Variants in SYNE2 observed in about 807,000 individuals in gnomAD.
SYNE2 encodes the protein spectrin repeat containing nuclear envelope protein 2, also known as nesprin-2.
SYNE2 carries 431 observed loss-of-function variants against 856.3 expected under a neutral mutation model. The ratio of observed to expected loss-of-function variants is 0.50; its 90% CI spans 0.47 to 0.55. SYNE2 has a LOEUF of 0.55. Among genes scored for constraint, SYNE2 ranks in the 20% least tolerant of loss-of-function variants. The pLI is 0.00. For missense variants in SYNE2, 8,129 were observed against 8,023.2 expected, an observed-to-expected ratio of 1.01 and a Z score of -0.50; for synonymous variants, 2,923 against 2,872.3, an observed-to-expected ratio of 1.02 and a Z score of -0.56.
chr14:64,088,345 A>G (rs1041360791), intron 58 of SYNE2, among the ~76,000 whole-genome samples: 1 of 152,218 alleles, frequency 6.6e-6, no homozygotes, highest in Non-Finnish European at 1.5e-5. Flanking sequence ...CTTATTTTCA[A>G]TCCAGAAGTG....
intron 1 of SYNE2, among the ~76,000 whole-genome samples, chr14:63,821,158 A>G (rs1889196867): frequency 6.6e-6 from 1 of 152,178 alleles, no homozygotes; most frequent in South Asian, 2.1e-4. Context: ...GGTTTATTGT[A>G]TACCAGGTAA....
intron 1 of SYNE2, among the ~76,000 whole-genome samples, chr14:63,829,111 C>T (rs1889570588): frequency 6.6e-6 from 1 of 151,750 alleles, no homozygotes; most frequent in Admixed American, 6.6e-5. Flanking sequence ...ATGGTGCTGC[C>T]CCTTCAAAAA....
At chr14:63,874,931 T>C (rs1446504522) in intron 1 of SYNE2, among the ~76,000 whole-genome samples, 2 of 152,208 alleles carry the variant, frequency 1.3e-5, no homozygotes, top group African/African-American at 4.8e-5. Context: ...TTGTTGTTGG[T>C]ACAAAGGGTG....
chr14:64,223,591 C>T (rs1007441135), intron 113 of SYNE2, among the ~76,000 whole-genome samples: 17 of 149,618 alleles, frequency 1.1e-4, no homozygotes, highest in African/African-American at 4.2e-4. Context: ...AAGGGAGTGG[C>T]GGGATGACAA....
intron 83 of SYNE2, among the ~76,000 whole-genome samples, chr14:64,144,326 G>T (rs2098164057): frequency 6.6e-6 from 1 of 152,156 alleles, no homozygotes; most frequent in South Asian, 2.1e-4. Flanking sequence ...AAAGAAAAAT[G>T]CACTTGGCTT....
chr14:64,145,192 G>A (rs1344471159), intron 83 of SYNE2, among the ~76,000 whole-genome samples: 2 of 151,792 alleles, frequency 1.3e-5, no homozygotes, highest in Admixed American at 6.5e-5. Flanking sequence ...CTCCCAAAAT[G>A]CTGGGATTAC....
chr14:63,956,952 G>A (rs1255603392), intron 8 of SYNE2, among the ~76,000 whole-genome samples: 1 of 152,060 alleles, frequency 6.6e-6, no homozygotes, highest in Non-Finnish European at 1.5e-5. Context: ...GTGACCATTA[G>A]CAGTTACTCT....
At chr14:63,771,246 A>ATTTTTT (rs1886897293) in intron 1 of SYNE2, among the ~76,000 whole-genome samples, 2 of 150,776 alleles carry the variant, frequency 1.3e-5, no homozygotes, top group African/African-American at 4.9e-5. Flanking sequence ...TTTTTTTTGT[A>ATTTTTT]TTTTTAGTAG....
chr14:63,879,084 G>T (rs186246334), intron 1 of SYNE2, among the ~76,000 whole-genome samples: 1 of 152,156 alleles, frequency 6.6e-6, no homozygotes, highest in African/African-American at 2.4e-5. Context: ...ATGTGCTAAG[G>T]AGTTTACAGG....
At chr14:63,805,988 A>G (rs1180542825) in intron 1 of SYNE2, among the ~76,000 whole-genome samples, 2 of 152,060 alleles carry the variant, frequency 1.3e-5, no homozygotes, top group Non-Finnish European at 2.9e-5. Context: ...CTCTTGTCTA[A>G]TGGCTCTGTC....
intron 1 of SYNE2, among the ~76,000 whole-genome samples, chr14:63,842,524 G>A (rs1890103580): frequency 6.6e-6 from 1 of 150,528 alleles, no homozygotes; most frequent in African/African-American, 2.4e-5. Context: ...ACAATGATGT[G>A]ATCTCAGCTC....
intron 43 of SYNE2, among the ~76,000 whole-genome samples, chr14:64,029,428 A>G (rs1238046662): frequency 6.6e-6 from 1 of 152,152 alleles, no homozygotes; most frequent in Admixed American, 6.5e-5. Flanking sequence ...TTAAGATTAC[A>G]TTTTCCTAAC....
chr14:64,063,824 T>C (rs2097336066), intron 50 of SYNE2, among the ~76,000 whole-genome samples: 1 of 152,212 alleles, frequency 6.6e-6, no homozygotes, highest in Non-Finnish European at 1.5e-5. Flanking sequence ...AAATGTACAG[T>C]AGTCCCCCTT....
In SYNE2 at chr14:64,165,338, T is replaced by C; in HGVS notation, c.16533T>C (p.Gly5511=). The stretch of plus-strand genomic sequence containing the variant: ...GAGTCCGGCTGGAATCTTTAAAAGG[T>C]CTTATTATGCATGAAGAAGAGAATT... ...DFGVRLESLK[G]LIMHEEENLD... is the part of the protein sequence containing the mutation. The change falls in exon 90 of 116, where the codon GGT becomes GGC. Residue 5511 remains glycine, a synonymous_variant. Coordinates refer to ENST00000555002, the MANE Select transcript of SYNE2 (RefSeq NM_182914.3). The C allele has an allele frequency of 6.2e-7, 1 of 1,613,896 alleles. No individual in the cohort carries two copies. The highest frequency in any genetic ancestry group is 8.5e-7 in the Non-Finnish European group (1 of 1,179,840).
Position 64,167,178 on chromosome 14 carries a change from C to CT in SYNE2, c.16606-55_16606-54insT. On this transcript the variant is annotated intron_variant, in intron 90 of 115. Coordinates refer to ENST00000555002, the MANE Select transcript of SYNE2 (RefSeq NM_182914.3). The stretch of plus-strand genomic sequence containing the variant: ...CTTTGAGGTAAGGAGGGTTTTTTGT[C>CT]ATCTAGATATCTTATTGGCATCCAA... 5.0e-6 allele frequency: 8 copies of CT among 1,610,206 alleles called. No homozygotes were observed. The South Asian group carries it at 8.8e-5, about 18-fold the overall frequency.
chr14:64,125,461 C>T (rs2097934996), intron 71 of SYNE2, among the ~76,000 whole-genome samples: 1 of 152,084 alleles, frequency 6.6e-6, no homozygotes, highest in South Asian at 2.1e-4. Flanking sequence ...TTGATGAGTG[C>T]CGTCTGCAGT....
In SYNE2 at chr14:64,101,164, T is replaced by C. The variant is rs188999702; in HGVS notation, c.12382-768T>C. Among the ~76,000 whole-genome samples the C allele has an allele frequency of 1.4e-3, 219 of 152,324 alleles. 1 individual carries two copies. The highest frequency in any genetic ancestry group is 5.0e-3 in the African/African-American group (208 of 41,570). Reference sequence around the variant, plus strand: ...TACTGAGTTTTTTCCTTTGGATATGTACTCAGTAGTGGGATTGCTGGTTCT... The same window carrying C: ...TACTGAGTTTTTTCCTTTGGATATGCACTCAGTAGTGGGATTGCTGGTTCT... On this transcript the variant is annotated intron_variant, in intron 63 of 115. Coordinates refer to ENST00000555002, the MANE Select transcript of SYNE2 (RefSeq NM_182914.3).
chr14:63,810,880 G>T (rs1888589848), intron 1 of SYNE2, among the ~76,000 whole-genome samples: 2 of 152,162 alleles, frequency 1.3e-5, no homozygotes, highest in Non-Finnish European at 2.9e-5. Flanking sequence ...TGTTGCCCAT[G>T]CTGGAGTGCA....
In SYNE2 at chr14:63,983,812, G is replaced by A; in HGVS notation, c.2077G>A (p.Glu693Lys). ...CAATTCTGGAAATATTCTATCTAAA[G>A]AAGAGAAAGCAACTGTTGAGTTTTC... The part of the protein sequence containing the change: ...FDNSGNILSK[E>K]EKATVEFSTD... The change falls in exon 18 of 116, where the codon GAA (glutamate) becomes AAA (lysine). Residue 693 changes from glutamate (E) to lysine (K), a missense_variant. Glu to Lys is a moderately conservative substitution (Grantham distance 56). Around this residue, in one of 3 missense-constraint regions of SYNE2, gnomAD observed 2,422 missense variants for 2,357.4 expected, o/e 1.03. Coordinates refer to ENST00000555002, the MANE Select transcript of SYNE2 (RefSeq NM_182914.3). 2 of 1,610,798 alleles carry A rather than the reference G, an allele frequency of 1.2e-6. No homozygotes were observed. Among genetic ancestry groups the A allele is most frequent in the Non-Finnish European group, 1.7e-6 (2 of 1,177,436 alleles).
Sources: gnomAD v4.1 joint callset for allele counts (sites outside exome capture counted in the v4.1 genomes callset) on GRCh38, gnomAD v4.1.1 for gene constraint, gnomAD v4.1.1 regional missense constraint, MANE v1.5 for transcripts, NCBI Gene and HGNC (gene_info 2026-07-23, HGNC 2026-07-21) for gene names.